Variants in STARD6 observed in about 807,000 individuals in gnomAD.
STARD6 encodes the protein stAR-related lipid transfer protein 6.
STARD6 carries 21 observed loss-of-function variants against 22.3 expected under a neutral mutation model. The observed-to-expected ratio is 0.94, with a 90% CI of 0.67 to 1.35. STARD6 has a LOEUF of 1.35. STARD6 is among the 40% of genes most tolerant of loss of function. The probability of loss-of-function intolerance (pLI) is 0.00; values close to 1 mark genes in which losing one functional copy is unlikely to be tolerated. For synonymous variants in STARD6, 80 were observed against 88.1 expected, an observed-to-expected ratio of 0.91 and a Z score of 0.52; for missense variants, 269 against 266.9, an observed-to-expected ratio of 1.01 and a Z score of -0.05.
At chr18:54,344,583 T>TAAAAAAAAAAA (rs55736082) in intron 4 of STARD6, among the ~76,000 whole-genome samples, 5 of 94,058 alleles carry the variant, frequency 5.3e-5, no homozygotes, top group African/African-American at 8.7e-5. Context: ...AAAAATAAAT[T>TAAAAAAAAAAA]AAAAAAAAAA....
intron 4 of STARD6, among the ~76,000 whole-genome samples, chr18:54,353,135 T>A (rs1326460967): frequency 6.6e-6 from 1 of 152,118 alleles, no homozygotes; most frequent in Non-Finnish European, 1.5e-5. Context: ...ATTGAAATTT[T>A]AAAAAAGCAA....
chr18:54,344,596 A>G (rs1463472118), intron 4 of STARD6, among the ~76,000 whole-genome samples: 1 of 128,468 alleles, frequency 7.8e-6, no homozygotes, highest in Non-Finnish European at 1.7e-5. Flanking sequence ...AAAAAAAAAA[A>G]AAAAAGAAAA....
At chr18:54,350,713 A>ATT (rs1311253753) in intron 4 of STARD6, among the ~76,000 whole-genome samples, 2 of 152,074 alleles carry the variant, frequency 1.3e-5, no homozygotes, top group Non-Finnish European at 2.9e-5. Flanking sequence ...CTTGCCAATT[A>ATT]TCCCAGCACC....
At chr18:54,339,882 C>A (rs2088954490) in intron 4 of STARD6, among the ~76,000 whole-genome samples, 1 of 151,956 alleles carries the variant, frequency 6.6e-6, no homozygotes, top group African/African-American at 2.4e-5. Flanking sequence ...AGTCAATTTC[C>A]TAAAACAATA....
intron 4 of STARD6, among the ~76,000 whole-genome samples, chr18:54,344,403 C>A (rs2089015112): frequency 1.4e-5 from 1 of 72,310 alleles, no homozygotes. Context: ...ATCACCAATC[C>A]CTAATCTCAA....
In STARD6 at chr18:54,337,186, C is replaced by T. The variant is rs377489751; in HGVS notation, c.206G>A (p.Gly69Glu). The T allele has an allele frequency of 6.2e-7, 1 of 1,613,358 alleles. No homozygotes were observed. The highest frequency in any genetic ancestry group is 1.7e-4 in the Middle Eastern group (1 of 6,056). The change falls in exon 5 of 8, where the codon GGA becomes GAA. Residue 69 changes from glycine to glutamate, a missense_variant. Transcript: ENST00000307844. ...AKLSDFLYQT[G>E]DRITWDKSLQ... ...TGATTTATCCCATGTAATTCTGTCTCCAGTTTGGTAGAGGAAATCAGATAG... is the reference window on the plus strand; with the variant it reads ...TGATTTATCCCATGTAATTCTGTCTTCAGTTTGGTAGAGGAAATCAGATAG...
At chr18:54,346,458 T>C (rs892674832) in intron 4 of STARD6, among the ~76,000 whole-genome samples, 4 of 152,060 alleles carry the variant, frequency 2.6e-5, no homozygotes, top group Admixed American at 2.6e-4. Flanking sequence ...ACACTGCTGT[T>C]AGGAATATAA....
In STARD6 at chr18:54,351,630, A is replaced by G. The variant is rs1599311150; in HGVS notation, c.140+2424T>C. 2.0e-5 allele frequency among the ~76,000 whole-genome samples: 3 copies of G among 152,054 alleles called. No individual in the cohort carries two copies. The East Asian group carries it at 5.8e-4, about 29-fold the overall frequency. On this transcript the variant is annotated intron_variant, in intron 4 of 7. Transcript: ENST00000307844. ...TTTGAGGTAAGTTCCTTCTATGCCT[A>G]TTTTGTTGAGGGTTTTAGTCAAAAA...
intron 4 of STARD6, among the ~76,000 whole-genome samples, chr18:54,347,733 C>G (rs2089050583): frequency 6.6e-6 from 1 of 152,074 alleles, no homozygotes; most frequent in Non-Finnish European, 1.5e-5. Context: ...CCAAATATAT[C>G]TACACATTAT....
intron 4 of STARD6, among the ~76,000 whole-genome samples, chr18:54,342,352 AG>A (rs565672291): frequency 7.5e-4 from 114 of 152,332 alleles, no homozygotes; most frequent in African/African-American, 2.6e-3. Context: ...AAAATAAAAG[AG>A]GAGGAAACAT....
chr18:54,354,111 G>T lies in STARD6; in HGVS notation c.91-8C>A. ...GGAAACAGTTATCTTTTTCTCAAAG[G>T]GGAATAAAAATCCACAAATAATTAG... On this transcript the variant is annotated splice_region_variant and splice_polypyrimidine_tract_variant and intron_variant, in intron 3 of 7. Transcript: ENST00000307844. 1.3e-6 allele frequency: 2 copies of T among 1,539,190 alleles called. No individual in the cohort carries two copies. Among genetic ancestry groups the T allele is most frequent in the Non-Finnish European group, 1.8e-6 (2 of 1,138,226 alleles).
chr18:54,338,128 G>A (rs2088933955), intron 4 of STARD6, among the ~76,000 whole-genome samples: 1 of 152,084 alleles, frequency 6.6e-6, no homozygotes, highest in Non-Finnish European at 1.5e-5. Context: ...TACTGACTCA[G>A]GGACAAAAGT....
At chr18:54,329,782 A>C (rs947788229) in intron 6 of STARD6, among the ~76,000 whole-genome samples, 2 of 151,986 alleles carry the variant, frequency 1.3e-5, no homozygotes, top group East Asian at 3.8e-4. Flanking sequence ...AACTAACTTA[A>C]ATCTCACTGG....
At chr18:54,349,448 A>G (rs2089072732) in intron 4 of STARD6, among the ~76,000 whole-genome samples, 2 of 152,154 alleles carry the variant, frequency 1.3e-5, no homozygotes, top group African/African-American at 4.8e-5. Flanking sequence ...GTGGTCAGAA[A>G]TGAGGTCAGA....
At chr18:54,336,573 T>C (rs768332270) in intron 5 of STARD6, among the ~76,000 whole-genome samples, 3 of 152,244 alleles carry the variant, frequency 2.0e-5, no homozygotes, top group Non-Finnish European at 4.4e-5. Flanking sequence ...AAACATTATA[T>C]GCCGTTCGTT....
intron 4 of STARD6, among the ~76,000 whole-genome samples, chr18:54,339,456 A>G (rs938118616): frequency 4.0e-5 from 6 of 150,034 alleles, no homozygotes; most frequent in Admixed American, 6.6e-5. Flanking sequence ...ACATGAAAAT[A>G]AAAATAAAGT....
At chr18:54,356,774 C>A (rs1246965736) in intron 1 of STARD6, among the ~76,000 whole-genome samples, 1 of 152,204 alleles carries the variant, frequency 6.6e-6, no homozygotes, top group Non-Finnish European at 1.5e-5. Flanking sequence ...CAGGGCTCGT[C>A]TTAGCATATA....
chr18:54,339,539 A>G (rs1251573703), intron 4 of STARD6, among the ~76,000 whole-genome samples: 1 of 152,034 alleles, frequency 6.6e-6, no homozygotes, highest in Non-Finnish European at 1.5e-5. Context: ...CTGGCATGCC[A>G]TTAGAAACAA....
In STARD6 at chr18:54,354,509, G is replaced by T; in HGVS notation, c.65C>A (p.Ser22Ter). The change falls in exon 3 of 8, where the codon TCA (serine) becomes TAA (stop). Residue 22 changes from serine to a stop codon, truncating the protein, a stop_gained. Coordinates refer to ENST00000307844, the MANE Select transcript of STARD6 (RefSeq NM_139171.2). LOFTEE classifies it high-confidence loss of function. ...QEVLGYNRDT[S>*]GWKVVKTSKK... The stretch of plus-strand genomic sequence containing the variant: ...TGAAGTTTTAACCACTTTCCAGCCT[G>T]ATGTATCTCGATTATAACCTAAAAC... The T allele has an allele frequency of 6.2e-7, 1 of 1,613,496 alleles. No individual in the cohort carries two copies. The highest frequency in any genetic ancestry group is 8.5e-7 in the Non-Finnish European group (1 of 1,179,696).
Sources: gnomAD v4.1 joint callset for allele counts (sites outside exome capture counted in the v4.1 genomes callset) on GRCh38, gnomAD v4.1.1 for gene constraint, MANE v1.5 for transcripts, NCBI Gene and HGNC (gene_info 2026-07-23, HGNC 2026-07-21) for gene names.